CHD1L: variants seen among roughly 807,000 people sequenced by gnomAD.
The protein encoded by CHD1L is chromodomain helicase DNA binding protein 1 like, also known as ATP-dependent chromatin remodeler CHD1L.
Under a neutral mutation model 115.9 loss-of-function variants are expected in CHD1L, and 118 were observed. That is an observed-to-expected ratio of 1.02 (90% CI 0.88 to 1.19). CHD1L has a LOEUF of 1.19. Among genes scored for constraint, CHD1L ranks in the 50% most tolerant of loss-of-function variants. The pLI, the probability that CHD1L is intolerant of heterozygous loss-of-function variation, is 0.00. For synonymous variants in CHD1L, 411 were observed against 387.1 expected, an observed-to-expected ratio of 1.06 and a Z score of -0.72; for missense variants, 1,179 against 1,065.3, an observed-to-expected ratio of 1.11 and a Z score of -1.49.
At chr1:147,264,381 A>G in intron 6 of CHD1L, 41 bp from the exon 7 acceptor site, 2 of 1,515,224 alleles carry the variant, frequency 1.3e-6, no homozygotes, top group Non-Finnish European at 1.8e-6. Context: ...CTTGCATTCC[A>G]GTGTTATGGA....
chr1:147,239,467 C>CTA (rs1664702029), upstream of CHD1L, among the ~76,000 whole-genome samples: 2 of 152,100 alleles, frequency 1.3e-5, no homozygotes, highest in Admixed American at 6.6e-5. Context: ...TCAGTGAATC[C>CTA]TATAGGCTCT....
chr1:147,179,161 G>A, the CHD1L span: 3 of 1,614,080 alleles, frequency 1.9e-6, no homozygotes, highest in Non-Finnish European at 2.5e-6. Context: ...GAATGCTCTG[G>A]AGAGGTTCCT....
At chr1:147,288,325 T>G (rs58457808) in intron 19 of CHD1L, among the ~76,000 whole-genome samples, 1 of 90,030 alleles carries the variant, frequency 1.1e-5, no homozygotes, top group Non-Finnish European at 2.1e-5. Context: ...CCTGTTTCAA[T>G]AAAAAAAAAA....
At chr1:147,273,358 A>C (rs1677011236) in intron 12 of CHD1L, among the ~76,000 whole-genome samples, 1 of 152,222 alleles carries the variant, frequency 6.6e-6, no homozygotes, top group Non-Finnish European at 1.5e-5. Flanking sequence ...GTTCAGTCTT[A>C]TTTAGAAAGC....
the CHD1L span, among the ~76,000 whole-genome samples, chr1:147,223,358 A>T: frequency 6.6e-6 from 1 of 152,214 alleles, no homozygotes; most frequent in Non-Finnish European, 1.5e-5. Context: ...AGTCCCCAAA[A>T]CAGAGTCAGG....
intron 3 of CHD1L, among the ~76,000 whole-genome samples, chr1:147,255,492 G>A (rs1019163236): frequency 6.6e-6 from 1 of 152,170 alleles, no homozygotes; most frequent in East Asian, 1.9e-4. Flanking sequence ...TTCCCAAAGT[G>A]CTGGGATTAC....
At chr1:147,231,842 G>C in the CHD1L span, among the ~76,000 whole-genome samples, 4 of 152,136 alleles carry the variant, frequency 2.6e-5, no homozygotes, top group Non-Finnish European at 4.4e-5. Context: ...CCCTTTCTTT[G>C]ACTAGCAAAG....
At chr1:147,279,993 A>AT (rs1467094720) in intron 14 of CHD1L, 33 bp from the exon 15 acceptor site, 2 of 1,611,732 alleles carry the variant, frequency 1.2e-6, no homozygotes, top group Non-Finnish European at 1.7e-6. Context: ...TTTCATGAGA[A>AT]TTTGCTGGAC....
At chr1:147,180,823 A>G in the CHD1L span, among the ~76,000 whole-genome samples, 1 of 152,198 alleles carries the variant, frequency 6.6e-6, no homozygotes, top group African/African-American at 2.4e-5. Flanking sequence ...ACTTTACCAT[A>G]CATCAAAATT....
intron 6 of CHD1L, among the ~76,000 whole-genome samples, chr1:147,264,114 T>C (rs587757593): frequency 6.6e-6 from 1 of 152,342 alleles, no homozygotes; most frequent in South Asian, 2.1e-4. Context: ...CCCATCTAAA[T>C]TCAGTAATAA....
At chr1:147,291,790 G>A (rs1427031248) in intron 20 of CHD1L, among the ~76,000 whole-genome samples, 9 of 152,104 alleles carry the variant, frequency 5.9e-5, no homozygotes, top group African/African-American at 2.2e-4. Flanking sequence ...TTCTCTCCTT[G>A]GCTTGCAGAT....
intron 11 of CHD1L, 57 bp from the exon 12 acceptor site, chr1:147,272,114 T>TC: frequency 1.4e-6 from 2 of 1,442,656 alleles, no homozygotes; most frequent in Non-Finnish European, 1.9e-6. Context: ...AATTTTTTAT[T>TC]CCCCAAAGAC....
chr1:147,215,420 T>G, the CHD1L span: 1 of 199,980 alleles, frequency 5.0e-6, no homozygotes, highest in Non-Finnish European at 1.0e-5. Context: ...AACCAGAGAG[T>G]TTTAAAGTTC....
the CHD1L span, among the ~76,000 whole-genome samples, chr1:147,206,933 TAAAAA>T: frequency 6.6e-6 from 1 of 151,628 alleles, no homozygotes; most frequent in Non-Finnish European, 1.5e-5. Flanking sequence ...TAAAGTATAA[TAAAAA>T]TATATATATA....
the CHD1L span, chr1:147,179,232 C>A: frequency 6.2e-7 from 1 of 1,612,774 alleles, no homozygotes; most frequent in Non-Finnish European, 8.5e-7. Flanking sequence ...TCCCAGAGAG[C>A]AATGATGGGC....
chr1:147,204,536 C>G, the CHD1L span: 2 of 1,577,490 alleles, frequency 1.3e-6, no homozygotes, highest in African/African-American at 2.7e-5. Flanking sequence ...CAAGCTATTT[C>G]ATAACCTTCT....
the CHD1L span, among the ~76,000 whole-genome samples, chr1:147,188,106 AG>A: frequency 2.6e-5 from 4 of 152,178 alleles, no homozygotes; most frequent in African/African-American, 9.7e-5. Context: ...AAATGGGACT[AG>A]ATTTAGGAGA....
chr1:147,229,485 G>A, the CHD1L span, among the ~76,000 whole-genome samples: 6 of 152,128 alleles, frequency 3.9e-5, no homozygotes, highest in African/African-American at 7.2e-5. Context: ...TTGACTTGGC[G>A]ATGCGGGCTC....
At chr1:147,233,351 G>A in the CHD1L span, among the ~76,000 whole-genome samples, 5 of 149,920 alleles carry the variant, frequency 3.3e-5, no homozygotes, top group Non-Finnish European at 7.4e-5. Flanking sequence ...TGCCAGGCCA[G>A]CCGCCCCGTC....
Sources: allele counts gnomAD v4.1 joint callset (sites outside exome capture counted in the v4.1 genomes callset), GRCh38; gene constraint gnomAD v4.1.1; transcripts MANE v1.5; gene names NCBI Gene and HGNC (gene_info 2026-07-23, HGNC 2026-07-21).